NSG2: variants seen among roughly 807,000 people sequenced by gnomAD.
NSG2 encodes the protein neuronal vesicle trafficking-associated protein 2.
A neutral mutation model predicts 16.9 loss-of-function variants in NSG2; 4 were observed. The observed-to-expected ratio is 0.24, with a 90% CI of 0.12 to 0.54. The LOEUF is 0.54. NSG2 is among the 20% of genes least tolerant of loss of function. The pLI, the probability that NSG2 is intolerant of heterozygous loss-of-function variation, is 0.95. For missense variants in NSG2, 179 were observed against 221.1 expected (o/e 0.81, Z 1.21); for synonymous variants, 98 against 88.7 (o/e 1.11, Z -0.59).
chr5:174,046,864 C>G lies in NSG2; in HGVS notation c.109C>G (p.Gln37Glu), dbSNP rs1398931386. 1 of 1,614,152 alleles carries G rather than the reference C, an allele frequency of 6.2e-7. No homozygotes were observed. The stretch of plus-strand genomic sequence containing the variant: ...CACTCCCTTGGAGGTTAATCACTTA[C>G]AGCTGCCTGCTCCAGAAAAGGTAAA... ...LITPLEVNHL[Q>E]LPAPEKVIVK... The change falls in exon 2 of 5, where the codon CAG becomes GAG. Residue 37 changes from glutamine (Q) to glutamate (E), a missense_variant. By Grantham distance (29) the Gln-to-Glu change is conservative. Transcript: ENST00000303177.
chr5:174,092,916 A>G (rs1417772026), intron 3 of NSG2, among the ~76,000 whole-genome samples: 1 of 152,202 alleles, frequency 6.6e-6, no homozygotes, highest in Non-Finnish European at 1.5e-5. Context: ...GGGAACAAGA[A>G]GCAAGCCTGT....
intron 3 of NSG2, among the ~76,000 whole-genome samples, chr5:174,076,523 T>C (rs969376121): frequency 2.6e-5 from 4 of 152,152 alleles, no homozygotes; most frequent in African/African-American, 9.7e-5. Flanking sequence ...ACTCCAACTT[T>C]ACTTTATATT....
intron 3 of NSG2, among the ~76,000 whole-genome samples, chr5:174,079,326 C>T (rs534847043): frequency 1.3e-5 from 2 of 151,796 alleles, no homozygotes; most frequent in South Asian, 4.2e-4. Flanking sequence ...GGTGCAATCT[C>T]AGCTCACTGC....
chr5:174,054,993 T>C (rs1759945264), intron 2 of NSG2, among the ~76,000 whole-genome samples: 1 of 152,232 alleles, frequency 6.6e-6, no homozygotes, highest in Non-Finnish European at 1.5e-5. Flanking sequence ...GTCTAGTACG[T>C]AGTAGATGCT....
chr5:174,100,313 C>T (rs1320398569), intron 3 of NSG2, among the ~76,000 whole-genome samples: 4 of 152,364 alleles, frequency 2.6e-5, no homozygotes, highest in African/African-American at 4.8e-5. Flanking sequence ...GCCTGGACTG[C>T]ACCCCCAGAG....
chr5:174,065,056 C>T lies in NSG2; in HGVS notation c.213+741C>T, dbSNP rs553090038. 5.3e-5 allele frequency among the ~76,000 whole-genome samples: 8 copies of T among 152,238 alleles called. No individual in the cohort carries two copies. The South Asian group carries it at 1.0e-3, about 20-fold the overall frequency. ...AAATAAGGACAGTGAGGGCCGGGCA[C>T]GGCGGCTCACGCCTGTAATCCCAGC... On this transcript the variant is annotated intron_variant, in intron 3 of 4. Coordinates refer to ENST00000303177, the MANE Select transcript of NSG2 (RefSeq NM_015980.5).
intron 3 of NSG2, among the ~76,000 whole-genome samples, chr5:174,078,283 C>G (rs2113451130): frequency 6.6e-6 from 1 of 152,074 alleles, no homozygotes; most frequent in South Asian, 2.1e-4. Context: ...ACACCACACA[C>G]ACACACACAC....
intron 3 of NSG2, among the ~76,000 whole-genome samples, chr5:174,094,995 G>A (rs1760773596): frequency 6.6e-6 from 1 of 152,244 alleles, no homozygotes; most frequent in Non-Finnish European, 1.5e-5. Context: ...GTGGTAGATG[G>A]ATGCACAAAG....
At chr5:174,067,906 T>C (rs920851347) in intron 3 of NSG2, among the ~76,000 whole-genome samples, 2 of 151,384 alleles carry the variant, frequency 1.3e-5, no homozygotes, top group Non-Finnish European at 2.9e-5. Flanking sequence ...GGTAGGGAGC[T>C]GGGGGGATGC....
intron 3 of NSG2, among the ~76,000 whole-genome samples, chr5:174,090,091 G>A (rs1760698266): frequency 6.6e-6 from 1 of 152,158 alleles, no homozygotes; most frequent in Non-Finnish European, 1.5e-5. Context: ...TTCACATTGG[G>A]CACAGGGGCA....
intron 3 of NSG2, among the ~76,000 whole-genome samples, chr5:174,096,934 ACTTACCT>A (rs1561674745): frequency 6.6e-6 from 1 of 152,126 alleles, no homozygotes; most frequent in Admixed American, 6.5e-5. Flanking sequence ...CCTTTTCTCG[ACTTACCT>A]CTTACCAACT....
intron 2 of NSG2, 108 bp from the exon 3 acceptor site, chr5:174,064,124 A>C: frequency 2.7e-6 from 2 of 740,704 alleles, no homozygotes; most frequent in Non-Finnish European, 4.3e-6. Context: ...GGGGTTCTTT[A>C]TTTTTTTGAT....
intron 2 of NSG2, among the ~76,000 whole-genome samples, chr5:174,048,080 G>C (rs1759829658): frequency 6.6e-6 from 1 of 152,188 alleles, no homozygotes; most frequent in Non-Finnish European, 1.5e-5. Flanking sequence ...AACGTGCAGG[G>C]GTGGGGTGGC....
rs754437052 is a variant in NSG2 at position 174,104,386 on chromosome 5, G to T, written c.324+48G>T. On this transcript the variant is annotated intron_variant, in intron 4 of 4. Coordinates refer to ENST00000303177, the MANE Select transcript of NSG2 (RefSeq NM_015980.5). ...CAGGTCACTATCAAATTCAGTTAGAGGGTTGATCAATGTCTTCTCTTCACT... is the reference window on the plus strand; with the variant it reads ...CAGGTCACTATCAAATTCAGTTAGATGGTTGATCAATGTCTTCTCTTCACT... 3.7e-6 allele frequency: 5 copies of T among 1,334,982 alleles called. No individual in the cohort carries two copies. The South Asian group carries it at 5.9e-5, about 16-fold the overall frequency. The allele number at this position is 1,334,982 out of a possible 1,614,324, so 82.7% of individuals were successfully genotyped here.
In NSG2 at chr5:174,080,260, A is replaced by G. The variant is rs147811878; in HGVS notation, c.213+15945A>G. 7.3e-5 allele frequency among the ~76,000 whole-genome samples: 11 copies of G among 150,344 alleles called. No homozygotes were observed. The East Asian group carries it at 1.7e-3, about 24-fold the overall frequency. ...CTCTCATTCCTTTCACTCCTTACCC[A>G]TTCTTGCATTTCACTTTTGCAGGTA... On this transcript the variant is annotated intron_variant, in intron 3 of 4. Coordinates refer to ENST00000303177, the MANE Select transcript of NSG2 (RefSeq NM_015980.5).
At chr5:174,065,827 C>T (rs1760129673) in intron 3 of NSG2, among the ~76,000 whole-genome samples, 1 of 152,208 alleles carries the variant, frequency 6.6e-6, no homozygotes, top group African/African-American at 2.4e-5. Flanking sequence ...ACAAGCGAGT[C>T]ACTAAGCCTC....
chr5:174,055,071 C>G (rs1759946321), intron 2 of NSG2, among the ~76,000 whole-genome samples: 1 of 152,150 alleles, frequency 6.6e-6, no homozygotes, highest in Non-Finnish European at 1.5e-5. Flanking sequence ...GAAACAGGTT[C>G]CCTGTTTCCG....
intron 3 of NSG2, among the ~76,000 whole-genome samples, chr5:174,079,138 C>T (rs1760401154): frequency 6.6e-6 from 1 of 152,198 alleles, no homozygotes; most frequent in Non-Finnish European, 1.5e-5. Flanking sequence ...TAAGCGTGAG[C>T]TGCTCCTCCC....
chr5:174,107,380 C>G lies in NSG2; in HGVS notation c.391C>G (p.Arg131Gly). The change falls in exon 5 of 5, where the codon CGC (arginine) becomes GGC (glycine). Residue 131 changes from arginine (R) to glycine (G), a missense_variant. Transcript: ENST00000303177. This position sits in a 1 kb window ranked among gnomAD's most constrained non-coding sequence, Gnocchi z 4.5. Reference sequence around the variant, plus strand: ...CTCCCAGGACCCCAATTCCAGAAGCCGCTTCTACACAGTCATCAGCCACTA... The same window carrying G: ...CTCCCAGGACCCCAATTCCAGAAGCGGCTTCTACACAGTCATCAGCCACTA... ...YSSQDPNSRS[R>G]FYTVISHYSV... is the part of the protein sequence containing the mutation. 6.2e-7 allele frequency: 1 copy of G among 1,602,940 alleles called. No homozygotes were observed.
Sources: gnomAD v4.1 joint callset for allele counts (sites outside exome capture counted in the v4.1 genomes callset) on GRCh38, gnomAD v4.1.1 for gene constraint, Gnocchi (gnomAD v3.1) non-coding constraint, MANE v1.5 for transcripts, NCBI Gene and HGNC (gene_info 2026-07-23, HGNC 2026-07-21) for gene names.